Variants in CD84 observed in about 807,000 individuals in gnomAD.
CD84 encodes SLAM family member 5.
In CD84, 22 loss-of-function variants were observed where a neutral mutation model predicts 33.8. The observed-to-expected ratio is 0.65, with a 90% CI of 0.46 to 0.93. The LOEUF (loss-of-function observed/expected upper bound fraction) is 0.93, where lower values mean the gene tolerates loss of function less well. CD84 is among the 40% of genes least tolerant of loss of function. The pLI, the probability that CD84 is intolerant of heterozygous loss-of-function variation, is 0.00. For missense variants in CD84, 400 were observed against 397.6 expected, an observed-to-expected ratio of 1.01 and a Z score of -0.05; for synonymous variants, 154 against 145.2, an observed-to-expected ratio of 1.06 and a Z score of -0.44.
rs749082826 is a variant in CD84 at position 160,553,853 on chromosome 1, G to C, written c.640+42C>G. 2.5e-6 allele frequency: 4 copies of C among 1,613,686 alleles called. No homozygotes were observed. In the South Asian group the frequency reaches 4.4e-5, roughly 18 times the overall value. On this transcript the variant is annotated intron_variant, in intron 3 of 6. Coordinates refer to ENST00000368054, the MANE Select transcript of CD84 (RefSeq NM_003874.4). ...TTCAGACCTTGCAGCTCCTCAGAGTGATCTCTGAGACTCACCAGGAGAGAT... is the reference window on the plus strand; with the variant it reads ...TTCAGACCTTGCAGCTCCTCAGAGTCATCTCTGAGACTCACCAGGAGAGAT...
chr1:160,565,519 G>T lies in CD84; in HGVS notation c.273C>A (p.Asn91Lys). The change falls in exon 2 of 7, where the codon AAC (asparagine) becomes AAA (lysine). Residue 91 changes from asparagine (N) to lysine (K), a missense_variant. Physicochemically the swap from Asn to Lys is moderately conservative, Grantham distance 94. Coordinates refer to ENST00000368054, the MANE Select transcript of CD84 (RefSeq NM_003874.4). Reference protein sequence around the residue: ...YYERIHALGPNYNLVISDLRM... With the variant: ...YYERIHALGPKYNLVISDLRM... ...TCAGATCGCTAATGACCAGATTGTA[G>T]TTCGGACCTAAGGCATGTATCCGTT... 6.2e-7 allele frequency: 1 copy of T among 1,614,022 alleles called. No individual in the cohort carries two copies. The highest frequency in any genetic ancestry group is 8.5e-7 in the Non-Finnish European group (1 of 1,179,928).
Position 160,548,025 on chromosome 1 carries a change from C to T in CD84, c.*231G>A, listed in dbSNP as rs2102118777. 3.6e-6 allele frequency: 2 copies of T among 559,518 alleles called. No individual in the cohort carries two copies. The highest frequency in any genetic ancestry group is 6.4e-6 in the Non-Finnish European group (2 of 310,946). 34.7% of individuals were successfully genotyped at this position (559,518 alleles called of 1,614,324 possible). ...AGTTTGGGAAAACTATACTAGGTAA[C>T]CTGCTTTGTCATTCATTCAGAAGGG... On this transcript the variant is annotated 3_prime_UTR_variant, in exon 7 of 7. Transcript: ENST00000368054.
At chr1:160,572,707 A>G (rs957274005) in intron 1 of CD84, among the ~76,000 whole-genome samples, 1 of 152,170 alleles carries the variant, frequency 6.6e-6, no homozygotes, top group Non-Finnish European at 1.5e-5. Context: ...AACCTTTTCC[A>G]AAGAGTGTGA....
chr1:160,552,623 C>T (rs757227200), intron 4 of CD84: 32 of 898,120 alleles, frequency 3.6e-5, no homozygotes, highest in Middle Eastern at 2.2e-4. Flanking sequence ...CTGCAAATCA[C>T]GTGCTTAGTC....
chr1:160,561,981 CTA>C lies in CD84; in HGVS notation c.388+3421_388+3422del, dbSNP rs1261531002. On this transcript the variant is annotated intron_variant, in intron 2 of 6. Coordinates refer to ENST00000368054, the MANE Select transcript of CD84 (RefSeq NM_003874.4). ...GGAAAGTGAAGGACATTCACAATTG[CTA>C]CAAAAAGATTAATATGCCTAGGAAT... Among the ~76,000 whole-genome samples, 14 of 152,022 alleles carry C rather than the reference CTA, an allele frequency of 9.2e-5. No homozygotes were observed. In the East Asian group the frequency reaches 2.5e-3, roughly 27 times the overall value.
At position 160,547,003 on chromosome 1, in the gene CD84, G is replaced by T. The variant is rs976821904; in HGVS notation, c.*1253C>A. On this transcript the variant is annotated 3_prime_UTR_variant, in exon 7 of 7. Transcript: ENST00000368054. ...ATTCATTGGGATTTAGGAGTTAGCC[G>T]ATTATACTTGCTAACACATAAGGGA... 5.0e-6 allele frequency: 2 copies of T among 396,862 alleles called. No homozygotes were observed. The allele number at this position is 396,862 out of a possible 1,614,324, so 24.6% of individuals were successfully genotyped here.
Position 160,544,483 on chromosome 1 carries a change from A to C in CD84, c.*3773T>G, listed in dbSNP as rs1466923438. On this transcript the variant is annotated 3_prime_UTR_variant, in exon 7 of 7. Coordinates refer to ENST00000368054, the MANE Select transcript of CD84 (RefSeq NM_003874.4). ...TTACAATCAGTAGACACTGTCACTA[A>C]TTATTGAGAAAATTTATACAAATCA... The C allele has an allele frequency of 2.0e-5, 3 of 152,162 alleles. No homozygotes were observed. Among genetic ancestry groups the C allele is most frequent in the African/African-American group, 7.2e-5 (3 of 41,432 alleles). The allele number at this position is 152,162 out of a possible 1,614,324, so 9.4% of individuals were successfully genotyped here. A position where few individuals can be genotyped will look rare whatever the true frequency, so the allele number is the denominator to read the frequency against.
At chr1:160,559,525 A>G (rs1251255416) in intron 2 of CD84, among the ~76,000 whole-genome samples, 1 of 152,198 alleles carries the variant, frequency 6.6e-6, no homozygotes, top group Non-Finnish European at 1.5e-5. Flanking sequence ...CACTACAAAA[A>G]CACACTGAAG....
rs777494416 is a variant in CD84 at position 160,565,482 on chromosome 1, C to A, written c.310G>T (p.Ala104Ser). ...LVISDLRMEDAGDYKADINTQ... is the reference protein window; with the variant it reads ...LVISDLRMEDSGDYKADINTQ... ...TTTATGTCTGCTTTGTAGTCTCCTG[C>A]GTCTTCCATCCTCAGATCGCTAATG... Residue 104 changes from alanine to serine, a missense_variant, in exon 2 of 7, where the codon GCA becomes TCA. Coordinates refer to ENST00000368054, the MANE Select transcript of CD84 (RefSeq NM_003874.4). The A allele has an allele frequency of 3.1e-6, 5 of 1,613,852 alleles. No homozygotes were observed. Among genetic ancestry groups the A allele is most frequent in the African/African-American group, 1.3e-5 (1 of 75,010 alleles).
chr1:160,550,690 C>A (rs536783150), intron 5 of CD84: 1 of 985,300 alleles, frequency 1.0e-6, no homozygotes, highest in South Asian at 4.7e-5. Flanking sequence ...AACCTGGAGC[C>A]GGGCCCACTG....
chr1:160,574,857 A>G (rs1392296805), intron 1 of CD84, among the ~76,000 whole-genome samples: 1 of 152,204 alleles, frequency 6.6e-6, no homozygotes, highest in Non-Finnish European at 1.5e-5. Context: ...TGATATTTGT[A>G]GACCTCTTAG....
Position 160,545,465 on chromosome 1 carries a change from C to T in CD84, c.*2791G>A, listed in dbSNP as rs1655775423. 6.6e-6 allele frequency: 1 copy of T among 152,074 alleles called. No homozygotes were observed. Among genetic ancestry groups the T allele is most frequent in the African/African-American group, 2.4e-5 (1 of 41,374 alleles). The allele number at this position is 152,074 out of a possible 1,614,324, so 9.4% of individuals were successfully genotyped here. ...TCCTTTATGACCAAGCCTCTTTCCT[C>T]CTTCCTGCACGTCTCTTCTTGGGGT... is the stretch of plus-strand genomic sequence containing the variant. On this transcript the variant is annotated 3_prime_UTR_variant, in exon 7 of 7. Coordinates refer to ENST00000368054, the MANE Select transcript of CD84 (RefSeq NM_003874.4).
chr1:160,550,024 T>A (rs75669774), intron 5 of CD84, 45 bp from the exon 6 acceptor site: 1 of 1,255,154 alleles, frequency 8.0e-7, no homozygotes, highest in Non-Finnish European at 1.1e-6. Context: ...CCCAGGCCCA[T>A]CTACAAGTCC....
chr1:160,554,152 G>C lies in CD84; in HGVS notation c.389-6C>G. On this transcript the variant is annotated splice_polypyrimidine_tract_variant and splice_region_variant and intron_variant, in intron 2 of 6. Transcript: ENST00000368054. ...TTTTGGTTTCCCAAGCCGACCTGTG[G>C]GGGCAAACACATGAGCCAATAGTGA... 1 of 1,606,434 alleles carries C rather than the reference G, an allele frequency of 6.2e-7. No homozygotes were observed. The highest frequency in any genetic ancestry group is 1.1e-5 in the South Asian group (1 of 89,588).
At chr1:160,551,755 G>C (rs1656244532) in intron 4 of CD84, among the ~76,000 whole-genome samples, 1 of 152,178 alleles carries the variant, frequency 6.6e-6, no homozygotes, top group Admixed American at 6.5e-5. Context: ...ATGTTGCCCA[G>C]GTTGGTCTTG....
At position 160,576,743 on chromosome 1, in the gene CD84, C is replaced by G. The variant is rs559752630; in HGVS notation, c.46+2649G>C. On this transcript the variant is annotated intron_variant, in intron 1 of 6. Transcript: ENST00000368054. ...TTGACTCTCTGTGTATCAATGCTTTCATCTGTATATGTGCACATAAACCGT... is the reference window on the plus strand; with the variant it reads ...TTGACTCTCTGTGTATCAATGCTTTGATCTGTATATGTGCACATAAACCGT... Among the ~76,000 whole-genome samples, 17 of 152,226 alleles carry G rather than the reference C, an allele frequency of 1.1e-4. No individual in the cohort carries two copies. In the South Asian group the frequency reaches 1.2e-3, roughly 11 times the overall value.
At chr1:160,550,147 A>G (rs1656105787) in intron 5 of CD84, among the ~76,000 whole-genome samples, 168 bp from the exon 6 acceptor site, 2 of 151,554 alleles carry the variant, frequency 1.3e-5, no homozygotes, top group African/African-American at 4.9e-5. Flanking sequence ...GCTTAGGATC[A>G]GGAAGGGATA....
At chr1:160,554,901 C>CTATATATATAGAATATATATATATATT (rs377611146) in intron 2 of CD84, among the ~76,000 whole-genome samples, 7,361 of 151,456 alleles carry the variant, frequency 0.049, 618 homozygotes, top group African/African-American at 0.17. Context: ...AAAATAAATT[C>CTATATATATAGAATATATATATATATT]TATATAGAAT....
chr1:160,549,476 G>T (rs1449203055), intron 6 of CD84, among the ~76,000 whole-genome samples: 1 of 152,192 alleles, frequency 6.6e-6, no homozygotes, highest in Non-Finnish European at 1.5e-5. Context: ...TGCAGGCTGC[G>T]TGTGGTAAAA....
Sources: allele counts gnomAD v4.1 joint callset (sites outside exome capture counted in the v4.1 genomes callset), GRCh38; gene constraint gnomAD v4.1.1; transcripts MANE v1.5; gene names NCBI Gene and HGNC (gene_info 2026-07-23, HGNC 2026-07-21).